ABCB5: variants seen among roughly 807,000 people sequenced by gnomAD.
The protein encoded by ABCB5 is ATP binding cassette subfamily B member 5.
Under a neutral mutation model 144.2 loss-of-function variants are expected in ABCB5, and 155 were observed. That is an observed-to-expected ratio of 1.08 (90% confidence interval 0.94 to 1.23). The LOEUF (loss-of-function observed/expected upper bound fraction) is 1.23. Among genes scored for constraint, ABCB5 ranks in the 50% most tolerant of loss-of-function variants. The pLI, the probability that ABCB5 is intolerant of heterozygous loss-of-function variation, is 0.00. For synonymous variants in ABCB5, 610 were observed against 528.6 expected (o/e 1.15, Z -2.11); for missense variants, 1,830 against 1,520.8 (o/e 1.20, Z -3.38).
At chr7:20,709,828 C>G (rs1022070541) in intron 20 of ABCB5, among the ~76,000 whole-genome samples, 1 of 149,634 alleles carries the variant, frequency 6.7e-6, no homozygotes, top group South Asian at 2.1e-4. Flanking sequence ...CACCTGTAAT[C>G]GCAGCACTCT....
intron 1 of ABCB5, among the ~76,000 whole-genome samples, chr7:20,622,666 G>A (rs188377868): frequency 6.6e-6 from 1 of 152,116 alleles, no homozygotes. Context: ...GAACATAACT[G>A]TGATCTTAAG....
chr7:20,745,498 G>T, intron 26 of ABCB5, 60 bp downstream of exon 26: 1 of 1,460,820 alleles, frequency 6.8e-7, no homozygotes, highest in East Asian at 2.3e-5. Flanking sequence ...AGTAGCTACT[G>T]GGCCTATGCA....
At chr7:20,689,810 T>C (rs565314462) in intron 16 of ABCB5, among the ~76,000 whole-genome samples, 1 of 152,264 alleles carries the variant, frequency 6.6e-6, no homozygotes, top group South Asian at 2.1e-4. Flanking sequence ...AGGAGAAATA[T>C]TTATTAGGCA....
intron 14 of ABCB5, chr7:20,659,719 T>A (rs1004585836): frequency 8.0e-5 from 79 of 986,292 alleles, no homozygotes; most frequent in Non-Finnish European, 9.3e-5. Flanking sequence ...GGATCTGTAT[T>A]TAGACTATAT....
intron 23 of ABCB5, among the ~76,000 whole-genome samples, chr7:20,734,518 A>C (rs764201205): frequency 3.3e-5 from 5 of 151,584 alleles, no homozygotes; most frequent in Non-Finnish European, 5.9e-5. Context: ...AGGATGGATT[A>C]TCTGTGTCTC....
intron 13 of ABCB5, among the ~76,000 whole-genome samples, chr7:20,656,984 G>C (rs1784823072): frequency 7.0e-6 from 1 of 143,664 alleles, no homozygotes; most frequent in Non-Finnish European, 1.5e-5. Context: ...CACAATCTCA[G>C]CTCACTGCAG....
intron 14 of ABCB5, among the ~76,000 whole-genome samples, chr7:20,661,675 C>T (rs533623865): frequency 1.1e-4 from 16 of 151,774 alleles, no homozygotes; most frequent in South Asian, 6.3e-4. Flanking sequence ...GCTGGGATTA[C>T]AGGCACGCAC....
chr7:20,707,577 T>C (rs1055559761), intron 20 of ABCB5, among the ~76,000 whole-genome samples: 7 of 152,204 alleles, frequency 4.6e-5, no homozygotes, highest in Non-Finnish European at 8.8e-5. Context: ...ACCAAAAGTC[T>C]TATTTCATTT....
chr7:20,693,792 C>G (rs1056944741), intron 16 of ABCB5, among the ~76,000 whole-genome samples: 10 of 151,344 alleles, frequency 6.6e-5, no homozygotes, highest in African/African-American at 2.4e-4. Context: ...ATACAAACTG[C>G]CAACATCAAG....
At chr7:20,639,971 C>T (rs775516644) in intron 5 of ABCB5, among the ~76,000 whole-genome samples, 7 of 152,138 alleles carry the variant, frequency 4.6e-5, no homozygotes, top group Non-Finnish European at 8.8e-5. Context: ...CACTGAGTCT[C>T]CCAATCCATC....
chr7:20,710,090 A>G (rs1305469939), intron 20 of ABCB5, among the ~76,000 whole-genome samples: 2 of 147,262 alleles, frequency 1.4e-5, no homozygotes, highest in African/African-American at 5.1e-5. Flanking sequence ...ATAGGTAGCC[A>G]GGGGTGGTGG....
At chr7:20,617,175 C>T (rs1424630325) in intron 1 of ABCB5, among the ~76,000 whole-genome samples, 3 of 152,108 alleles carry the variant, frequency 2.0e-5, no homozygotes, top group Non-Finnish European at 4.4e-5. Flanking sequence ...TCTATGACAG[C>T]AAAGATGTCT....
intron 27 of ABCB5, among the ~76,000 whole-genome samples, chr7:20,754,770 T>A (rs367618341): frequency 3.1e-4 from 47 of 152,332 alleles, no homozygotes; most frequent in African/African-American, 1.1e-3. Flanking sequence ...AGTAGAAATT[T>A]GAATAGTATT....
chr7:20,690,434 A>G (rs1043015051), intron 16 of ABCB5, among the ~76,000 whole-genome samples: 3 of 152,228 alleles, frequency 2.0e-5, no homozygotes, highest in South Asian at 4.1e-4. Context: ...ATCATTTAGT[A>G]TATTTACACA....
chr7:20,635,023 C>T (rs926547629), intron 5 of ABCB5, among the ~76,000 whole-genome samples: 6 of 151,918 alleles, frequency 3.9e-5, no homozygotes, highest in Non-Finnish European at 7.4e-5. Flanking sequence ...TTCTAGTATT[C>T]TTATCACTTC....
chr7:20,643,612 T>G lies in ABCB5; in HGVS notation c.658T>G (p.Ser220Ala). Residue 220 changes from serine (S) to alanine (A), a missense_variant, in exon 7 of 28, where the codon TCA becomes GCA. Physicochemically the swap from Ser to Ala is moderately conservative, Grantham distance 99. Coordinates refer to ENST00000404938, the MANE Select transcript of ABCB5 (RefSeq NM_001163941.2). ...TLSTSPLIMA[S>A]AAACSRMVIS... ...ATCCACGTCTCCTCTTATAATGGCT[T>G]CAGCGGCAGCATGTTCTAGGGTAAG... 1 of 1,613,974 alleles carries G rather than the reference T, an allele frequency of 6.2e-7. No individual in the cohort carries two copies. The highest frequency in any genetic ancestry group is 8.5e-7 in the Non-Finnish European group (1 of 1,179,892).
chr7:20,665,768 GATACATAC>G (rs67828264), intron 14 of ABCB5, among the ~76,000 whole-genome samples: 74 of 125,478 alleles, frequency 5.9e-4, no homozygotes, highest in African/African-American at 2.2e-3. Flanking sequence ...GATAGATAGA[GATACATAC>G]ATACATACAT....
chr7:20,703,618 T>TC (rs1338366109), intron 19 of ABCB5, among the ~76,000 whole-genome samples: 2 of 151,472 alleles, frequency 1.3e-5, no homozygotes, highest in South Asian at 2.1e-4. Context: ...AGCCAAGATT[T>TC]TTTTGTTCTT....
At chr7:20,640,730 T>G (rs11773053) in intron 5 of ABCB5, among the ~76,000 whole-genome samples, 1 of 152,084 alleles carries the variant, frequency 6.6e-6, no homozygotes, top group Non-Finnish European at 1.5e-5. Flanking sequence ...ACACCACAAG[T>G]ATTGACTTGG....
Sources: allele counts gnomAD v4.1 joint callset (sites outside exome capture counted in the v4.1 genomes callset), GRCh38; gene constraint gnomAD v4.1.1; transcripts MANE v1.5; gene names NCBI Gene and HGNC (gene_info 2026-07-23, HGNC 2026-07-21).